Variants in CHMP4B observed in about 807,000 individuals in gnomAD.
CHMP4B encodes the protein SNF7 homolog associated with Alix 1.
A neutral mutation model predicts 25.1 loss-of-function variants in CHMP4B; 1 was observed. That is an observed-to-expected ratio of 0.04 (90% CI 0.01 to 0.19). The LOEUF (loss-of-function observed/expected upper bound fraction) is 0.19, where lower values mean the gene tolerates loss of function less well. Ranked by LOEUF, CHMP4B falls within the 10% of genes least tolerant of loss-of-function variation. The probability of loss-of-function intolerance (pLI) is 1.00; values close to 1 mark genes in which losing one functional copy is unlikely to be tolerated. For synonymous variants in CHMP4B, 101 were observed against 115.6 expected (o/e 0.87, Z 0.81); for missense variants, 151 against 289.7 (o/e 0.52, Z 3.48).
At chr20:33,847,376 G>T (rs1979714899) in intron 1 of CHMP4B, among the ~76,000 whole-genome samples, 1 of 152,004 alleles carries the variant, frequency 6.6e-6, no homozygotes, top group African/African-American at 2.4e-5. Flanking sequence ...GTATATTTTG[G>T]GGGTGGTATA....
At chr20:33,833,749 A>G (rs1979317075) in intron 1 of CHMP4B, among the ~76,000 whole-genome samples, 1 of 151,802 alleles carries the variant, frequency 6.6e-6, no homozygotes, top group Non-Finnish European at 1.5e-5. Context: ...GCTCTCTCCT[A>G]CCATCCTTTA....
chr20:33,842,587 G>A (rs889849056), intron 1 of CHMP4B, among the ~76,000 whole-genome samples: 5 of 152,294 alleles, frequency 3.3e-5, no homozygotes, highest in Admixed American at 1.3e-4. Flanking sequence ...AGGCTGCTGA[G>A]GGTTCTTCAG....
intron 1 of CHMP4B, among the ~76,000 whole-genome samples, chr20:33,844,824 T>C (rs1187735825): frequency 6.6e-6 from 1 of 151,706 alleles, no homozygotes. Flanking sequence ...AGTGTCGTGA[T>C]CTCGGTTCTC....
chr20:33,824,002 C>T (rs892247145), intron 1 of CHMP4B, among the ~76,000 whole-genome samples: 3 of 152,042 alleles, frequency 2.0e-5, no homozygotes, highest in African/African-American at 2.4e-5. Context: ...CTTGAGTGCT[C>T]GTAATTTATC....
At chr20:33,840,497 AG>A (rs1979509359) in intron 1 of CHMP4B, among the ~76,000 whole-genome samples, 1 of 152,190 alleles carries the variant, frequency 6.6e-6, no homozygotes, top group African/African-American at 2.4e-5. Flanking sequence ...ACCCACCTTC[AG>A]GGCTGGGATT....
chr20:33,846,477 CATT>C (rs984872993), intron 1 of CHMP4B, among the ~76,000 whole-genome samples: 30 of 152,278 alleles, frequency 2.0e-4, no homozygotes, highest in African/African-American at 6.3e-4. Context: ...AGGCACATCT[CATT>C]GTTGTTCAGA....
rs1218543292 is a variant in CHMP4B at position 33,838,348 on chromosome 20, G to T, written c.191-10119G>T. ...ACATGTAAATGAGTAATGTGTCCAG[G>T]TAGAAGTTGGTGGGCAGTGGTGGGC... On this transcript the variant is annotated intron_variant, in intron 1 of 4. Coordinates refer to ENST00000217402, the MANE Select transcript of CHMP4B (RefSeq NM_176812.5). Among the ~76,000 whole-genome samples the T allele has an allele frequency of 2.6e-5, 4 of 152,168 alleles. No homozygotes were observed. In the East Asian group the frequency reaches 7.7e-4, roughly 29 times the overall value.
At chr20:33,824,990 T>G (rs1399001146) in intron 1 of CHMP4B, among the ~76,000 whole-genome samples, 3 of 152,088 alleles carry the variant, frequency 2.0e-5, no homozygotes, top group Non-Finnish European at 4.4e-5. Flanking sequence ...GCTAGGTACT[T>G]TTCATTCTAC....
Position 33,853,851 on chromosome 20 carries a change from C to G in CHMP4B, c.*291C>G. The stretch of plus-strand genomic sequence containing the variant: ...AATCCAACATTGAGCTTCTGGACTA[C>G]GCTGACTCCACTGCTGAATCCTCAA... On this transcript the variant is annotated 3_prime_UTR_variant, in exon 5 of 5. Transcript: ENST00000217402. 4 of 494,752 alleles carry G rather than the reference C, an allele frequency of 8.1e-6. No homozygotes were observed. In the South Asian group the frequency reaches 8.2e-5, roughly 10 times the overall value. The allele number at this position is 494,752 out of a possible 1,614,324, so 30.6% of individuals were successfully genotyped here.
chr20:33,812,847 G>A (rs1482811768), intron 1 of CHMP4B, among the ~76,000 whole-genome samples: 1 of 152,180 alleles, frequency 6.6e-6, no homozygotes, highest in Admixed American at 6.5e-5. Flanking sequence ...CTATCTGGAG[G>A]ATGCTTCTCT....
At chr20:33,828,391 G>C (rs1384037156) in intron 1 of CHMP4B, among the ~76,000 whole-genome samples, 1 of 152,218 alleles carries the variant, frequency 6.6e-6, no homozygotes, top group Non-Finnish European at 1.5e-5. Context: ...AACCCTGCCA[G>C]AATAGTTTTG....
rs1978683781 is a variant in CHMP4B at position 33,813,122 on chromosome 20, C to G, written c.190+1464C>G. 2.0e-5 allele frequency among the ~76,000 whole-genome samples: 3 copies of G among 147,104 alleles called. No individual in the cohort carries two copies. The Admixed American group carries it at 2.0e-4, about 10-fold the overall frequency. On this transcript the variant is annotated intron_variant, in intron 1 of 4. Coordinates refer to ENST00000217402, the MANE Select transcript of CHMP4B (RefSeq NM_176812.5). ...TGAAAAGGTAAAGTTTGAACTGAGT[C>G]TGGAGAAGGAACCAGCTCTGTAAAA...
At chr20:33,824,070 A>G (rs1037801402) in intron 1 of CHMP4B, among the ~76,000 whole-genome samples, 2 of 152,240 alleles carry the variant, frequency 1.3e-5, no homozygotes, top group African/African-American at 4.8e-5. Context: ...GTACAATATG[A>G]GCACCTATGC....
At chr20:33,828,303 T>C (rs1408949343) in intron 1 of CHMP4B, among the ~76,000 whole-genome samples, 1 of 152,210 alleles carries the variant, frequency 6.6e-6, no homozygotes, top group African/African-American at 2.4e-5. Flanking sequence ...CTGGAACTCA[T>C]GACACCTATC....
At chr20:33,844,916 A>G (rs1261378419) in intron 1 of CHMP4B, among the ~76,000 whole-genome samples, 1 of 151,694 alleles carries the variant, frequency 6.6e-6, no homozygotes, top group African/African-American at 2.4e-5. Context: ...CTGCCACCAC[A>G]CCCGGCTAAT....
chr20:33,838,599 C>T (rs1979452937), intron 1 of CHMP4B, among the ~76,000 whole-genome samples: 1 of 152,192 alleles, frequency 6.6e-6, no homozygotes, highest in Admixed American at 6.5e-5. Flanking sequence ...CTGTGGGCTG[C>T]ATGGGTGCTC....
chr20:33,819,876 C>T (rs891603118), intron 1 of CHMP4B, among the ~76,000 whole-genome samples: 2 of 152,046 alleles, frequency 1.3e-5, no homozygotes, highest in Admixed American at 6.6e-5. Context: ...TTGTTAGAAA[C>T]GTGGATTCTG....
Position 33,814,983 on chromosome 20 carries a change from T to C in CHMP4B, c.190+3325T>C, listed in dbSNP as rs114404044. The stretch of plus-strand genomic sequence containing the variant: ...AAAGCAGAGAGTCATCATATCTGTT[T>C]GGAATTTTGAAAGAGCACTCTAGCA... On this transcript the variant is annotated intron_variant, in intron 1 of 4. Transcript: ENST00000217402. 8.2e-3 allele frequency among the ~76,000 whole-genome samples: 1,247 copies of C among 152,286 alleles called. 17 individuals carry two copies. Among genetic ancestry groups the C allele is most frequent in the African/African-American group, 0.028 (1,172 of 41,552 alleles).
chr20:33,811,943 C>T (rs1388054109), intron 1 of CHMP4B, among the ~76,000 whole-genome samples: 1 of 152,192 alleles, frequency 6.6e-6, no homozygotes, highest in Non-Finnish European at 1.5e-5. Flanking sequence ...CGCCCTCACT[C>T]TGTCCCTTTC....
Sources: gnomAD v4.1 joint callset for allele counts (sites outside exome capture counted in the v4.1 genomes callset) on GRCh38, gnomAD v4.1.1 for gene constraint, MANE v1.5 for transcripts, NCBI Gene and HGNC (gene_info 2026-07-23, HGNC 2026-07-21) for gene names.